Variants in SORCS1 observed in about 807,000 individuals in gnomAD.
SORCS1 encodes sortilin related VPS10 domain containing receptor 1.
SORCS1 carries 60 observed loss-of-function variants against 146.1 expected under a neutral mutation model. That is an observed-to-expected ratio of 0.41 (90% CI 0.33 to 0.51). The LOEUF (loss-of-function observed/expected upper bound fraction) is 0.51, where lower values mean the gene tolerates loss of function less well. Among genes scored for constraint, SORCS1 ranks in the 20% least tolerant of loss-of-function variants. The probability of loss-of-function intolerance (pLI) is 0.21; values close to 1 mark genes in which losing one functional copy is unlikely to be tolerated. For synonymous variants in SORCS1, 637 were observed against 584.0 expected (o/e 1.09, Z -1.31); for missense variants, 1,352 against 1,487.6 (o/e 0.91, Z 1.50).
chr10:106,884,769 T>C (rs1344657636), intron 2 of SORCS1, among the ~76,000 whole-genome samples: 1 of 152,240 alleles, frequency 6.6e-6, no homozygotes, highest in African/African-American at 2.4e-5. Context: ...AAAAGAAGAC[T>C]TGAATGTTTA....
chr10:107,154,266 G>A (rs1243199500), intron 1 of SORCS1, among the ~76,000 whole-genome samples: 1 of 152,028 alleles, frequency 6.6e-6, no homozygotes, highest in Non-Finnish European at 1.5e-5. Flanking sequence ...GCCTCCCAAA[G>A]TGTTGGGATT....
rs994336127 is a variant in SORCS1, at chr10:106,629,257, C to A, written c.2607G>T (p.Val869=). Residue 869 remains valine (V), a synonymous_variant, in exon 19 of 26, where the codon GTG becomes GTT. Coordinates refer to ENST00000263054, the MANE Select transcript of SORCS1 (RefSeq NM_052918.5). ...YQNVGIFRVT[V]QVDNSLGSDS... The stretch of plus-strand genomic sequence containing the variant: ...CAGAACCCAGACTGTTGTCCACCTG[C>A]ACGGTCACACGGAAAATGCCCACGT... 12 of 1,614,086 alleles carry A rather than the reference C, an allele frequency of 7.4e-6. No homozygotes were observed. The highest frequency in any genetic ancestry group is 1.0e-5 in the Non-Finnish European group (12 of 1,179,986).
rs779874516 is a variant in SORCS1 at position 106,711,825 on chromosome 10, T to C, written c.1025-2484A>G. On this transcript the variant is annotated intron_variant, in intron 6 of 25. Coordinates refer to ENST00000263054, the MANE Select transcript of SORCS1 (RefSeq NM_052918.5). ...GGACTATCCCTTCCCAGAACGATCC[T>C]CCGTCTAGCACACAAAATCTTTACC... 8.0e-4 allele frequency among the ~76,000 whole-genome samples: 122 copies of C among 152,282 alleles called. 2 individuals carry two copies. Among genetic ancestry groups the C allele is most frequent in the Middle Eastern group, 3.4e-3 (1 of 294 alleles).
At chr10:106,796,655 C>G (rs1388781845) in intron 3 of SORCS1, among the ~76,000 whole-genome samples, 1 of 152,036 alleles carries the variant, frequency 6.6e-6, no homozygotes, top group Non-Finnish European at 1.5e-5. Context: ...GGGACAGGGA[C>G]AGTTGGGGGT....
chr10:107,057,542 G>T (rs1191365011), intron 1 of SORCS1, among the ~76,000 whole-genome samples: 1 of 152,098 alleles, frequency 6.6e-6, no homozygotes, highest in Non-Finnish European at 1.5e-5. Context: ...TCTTTCTTAT[G>T]TTAAACTAAG....
chr10:107,135,177 T>A (rs1967179942), intron 1 of SORCS1, among the ~76,000 whole-genome samples: 1 of 152,242 alleles, frequency 6.6e-6, no homozygotes, highest in East Asian at 1.9e-4. Flanking sequence ...GATCATTAGT[T>A]TCTTTTAATG....
At chr10:106,606,612 C>T (rs1846612241) in intron 23 of SORCS1, among the ~76,000 whole-genome samples, 1 of 152,148 alleles carries the variant, frequency 6.6e-6, no homozygotes, top group African/African-American at 2.4e-5. Flanking sequence ...TCATTGTAAA[C>T]TCCACAGAGT....
At chr10:106,595,718 C>A (rs1845867125) in intron 24 of SORCS1, among the ~76,000 whole-genome samples, 1 of 152,146 alleles carries the variant, frequency 6.6e-6, no homozygotes, top group Non-Finnish European at 1.5e-5. Flanking sequence ...ATGGTGCTTG[C>A]AATAGCTACT....
intron 15 of SORCS1, 102 bp downstream of exon 15, chr10:106,672,766 T>C: frequency 1.2e-6 from 1 of 862,958 alleles, no homozygotes; most frequent in Non-Finnish European, 1.9e-6. Context: ...GATGGACATT[T>C]TGGCCTAGAG....
intron 1 of SORCS1, among the ~76,000 whole-genome samples, chr10:107,109,474 G>C (rs781594551): frequency 2.0e-5 from 3 of 152,198 alleles, no homozygotes; most frequent in African/African-American, 7.2e-5. Context: ...GGGGCCCTCT[G>C]AGCCAAGGAT....
At chr10:106,954,614 A>G (rs1954847203) in intron 2 of SORCS1, among the ~76,000 whole-genome samples, 1 of 152,064 alleles carries the variant, frequency 6.6e-6, no homozygotes, top group Non-Finnish European at 1.5e-5. Context: ...CTACTATCAC[A>G]ATAATTTTTC....
intron 5 of SORCS1, among the ~76,000 whole-genome samples, chr10:106,738,732 C>T (rs960155071): frequency 1.3e-5 from 2 of 152,210 alleles, no homozygotes; most frequent in African/African-American, 4.8e-5. Context: ...TGGCTCACAC[C>T]TGTAATCCCA....
At chr10:107,037,950 C>T (rs1466521524) in intron 1 of SORCS1, among the ~76,000 whole-genome samples, 3 of 152,200 alleles carry the variant, frequency 2.0e-5, no homozygotes, top group African/African-American at 4.8e-5. Context: ...CCTCAGCCTC[C>T]TGAGTAGCTG....
At position 106,730,083 on chromosome 10, in the gene SORCS1, G is replaced by C. The variant is rs1856486080; in HGVS notation, c.991C>G (p.Leu331Val). Residue 331 changes from leucine (L) to valine (V), a missense_variant, in exon 6 of 26, where the codon CTT becomes GTT. Transcript: ENST00000263054. ...SVMGSNKEPD[L>V]VHLEARTVDG... is the part of the protein sequence containing the mutation. ...ACAGTTCTGGCCTCAAGATGCACAA[G>C]GTCTGGTTCTTTATTTGACCCCATC... 4 of 1,613,952 alleles carry C rather than the reference G, an allele frequency of 2.5e-6. No individual in the cohort carries two copies. The highest frequency in any genetic ancestry group is 1.7e-5 in the Admixed American group (1 of 59,996).
At chr10:107,070,008 A>G (rs2134173678) in intron 1 of SORCS1, among the ~76,000 whole-genome samples, 1 of 152,306 alleles carries the variant, frequency 6.6e-6, no homozygotes, top group South Asian at 2.1e-4. Flanking sequence ...GAAAACCATG[A>G]ATCTACTTTC....
intron 1 of SORCS1, among the ~76,000 whole-genome samples, chr10:106,967,854 A>G (rs1163374607): frequency 6.6e-6 from 1 of 152,106 alleles, no homozygotes; most frequent in Non-Finnish European, 1.5e-5. Flanking sequence ...TAGAGCTGTA[A>G]AACAATAAGG....
chr10:107,116,762 G>T (rs1966066020), intron 1 of SORCS1, among the ~76,000 whole-genome samples: 1 of 152,066 alleles, frequency 6.6e-6, no homozygotes, highest in Non-Finnish European at 1.5e-5. Flanking sequence ...TAATTAATTT[G>T]TTATAATCAT....
At chr10:106,723,318 C>T (rs1371838870) in intron 6 of SORCS1, among the ~76,000 whole-genome samples, 2 of 152,036 alleles carry the variant, frequency 1.3e-5, no homozygotes, top group African/African-American at 4.8e-5. Flanking sequence ...CACACATACA[C>T]AAATGCACCT....
intron 3 of SORCS1, among the ~76,000 whole-genome samples, chr10:106,782,683 A>C (rs1479419531): frequency 6.6e-6 from 1 of 152,256 alleles, no homozygotes; most frequent in Non-Finnish European, 1.5e-5. Flanking sequence ...GGACTACTGA[A>C]CATAGTCTTC....
Sources: gnomAD v4.1 joint callset for allele counts (sites outside exome capture counted in the v4.1 genomes callset) on GRCh38, gnomAD v4.1.1 for gene constraint, MANE v1.5 for transcripts, NCBI Gene and HGNC (gene_info 2026-07-23, HGNC 2026-07-21) for gene names.